PIBF1: variants seen among roughly 807,000 people sequenced by gnomAD.
PIBF1 encodes progesterone-induced-blocking factor 1.
Under a neutral mutation model 112.5 loss-of-function variants are expected in PIBF1, and 90 were observed. That is an observed-to-expected ratio of 0.80 (90% CI 0.67 to 0.95). The LOEUF (loss-of-function observed/expected upper bound fraction) is 0.95. PIBF1 is among the 40% of genes least tolerant of loss of function. The pLI is 0.00. For synonymous variants in PIBF1, 301 were observed against 288.6 expected (o/e 1.04, Z -0.44); for missense variants, 915 against 852.3 (o/e 1.07, Z -0.92).
chr13:72,996,882 G>T (rs2043691550), intron 16 of PIBF1, among the ~76,000 whole-genome samples: 1 of 152,080 alleles, frequency 6.6e-6, no homozygotes, highest in Non-Finnish European at 1.5e-5. Flanking sequence ...AATGTTATTT[G>T]GGTACCCACT....
chr13:72,922,157 T>C (rs1214082660), intron 13 of PIBF1, among the ~76,000 whole-genome samples: 1 of 152,046 alleles, frequency 6.6e-6, no homozygotes, highest in African/African-American at 2.4e-5. Flanking sequence ...TTTTATTTTT[T>C]TGTAGAGACA....
intron 10 of PIBF1, among the ~76,000 whole-genome samples, chr13:72,867,266 C>T (rs1259280856): frequency 1.3e-5 from 2 of 152,176 alleles, no homozygotes; most frequent in East Asian, 3.8e-4. Flanking sequence ...ATGTGACTTG[C>T]TCCTCCTTGC....
chr13:72,902,796 A>G (rs2040545833), intron 11 of PIBF1, among the ~76,000 whole-genome samples: 1 of 152,226 alleles, frequency 6.6e-6, no homozygotes, highest in African/African-American at 2.4e-5. Flanking sequence ...AATTAAAAAC[A>G]TGGAATGAAG....
chr13:72,867,822 A>G, intron 10 of PIBF1, among the ~76,000 whole-genome samples: 1 of 152,250 alleles, frequency 6.6e-6, no homozygotes, highest in Admixed American at 6.5e-5. Context: ...TGCGTCTTCA[A>G]ATAGCAAAGC....
At chr13:72,911,199 A>T (rs928214722) in intron 12 of PIBF1, among the ~76,000 whole-genome samples, 2 of 152,170 alleles carry the variant, frequency 1.3e-5, no homozygotes, top group African/African-American at 4.8e-5. Context: ...CTCCACAAAA[A>T]AAAGAACAAA....
intron 13 of PIBF1, among the ~76,000 whole-genome samples, chr13:72,918,025 A>T (rs148321701): frequency 6.6e-6 from 1 of 152,196 alleles, no homozygotes; most frequent in African/African-American, 2.4e-5. Flanking sequence ...ACAGAAAATT[A>T]TACCTACATT....
chr13:72,797,779 A>C (rs1002760923), intron 4 of PIBF1, 128 bp from the exon 5 acceptor site: 2 of 668,572 alleles, frequency 3.0e-6, no homozygotes, highest in Non-Finnish European at 4.9e-6. Context: ...GCTAGGGTCC[A>C]TTAATGACTG....
intron 10 of PIBF1, among the ~76,000 whole-genome samples, chr13:72,868,321 A>G (rs2039010521): frequency 6.6e-6 from 1 of 151,776 alleles, no homozygotes. Context: ...AAGAAAAAAA[A>G]AAAAAAGACT....
intron 14 of PIBF1, among the ~76,000 whole-genome samples, chr13:72,964,788 C>T (rs1046763856): frequency 2.6e-5 from 4 of 152,080 alleles, no homozygotes; most frequent in African/African-American, 9.7e-5. Flanking sequence ...TTCAGCCAGG[C>T]GAGGTGGCTC....
rs544969282 is a variant in PIBF1, at chr13:72,863,647, G to C, written c.1322+9492G>C. ...CACTCCAGCCTGGGCGACAGAGTGA[G>C]ACTCCGTCTCAAAAAAAAAAAAAAA... On this transcript the variant is annotated intron_variant, in intron 10 of 17. Coordinates refer to ENST00000326291, the MANE Select transcript of PIBF1 (RefSeq NM_006346.4). Among the ~76,000 whole-genome samples the C allele has an allele frequency of 2.9e-3, 394 of 136,142 alleles. 2 individuals are homozygous for C. Among genetic ancestry groups the C allele is most frequent in the Middle Eastern group, 0.01 (2 of 192 alleles). 89.3% of individuals were successfully genotyped at this position (136,142 alleles called of 152,430 possible). A position where few individuals can be genotyped will look rare whatever the true frequency, so the allele number is the denominator to read the frequency against.
chr13:72,902,461 C>T (rs576403362), intron 11 of PIBF1, among the ~76,000 whole-genome samples: 4 of 151,416 alleles, frequency 2.6e-5, no homozygotes, highest in Admixed American at 2.6e-4. Context: ...AGCCTATAGT[C>T]TCTGCATCAG....
intron 5 of PIBF1, among the ~76,000 whole-genome samples, chr13:72,809,182 A>C (rs1380964744): frequency 2.1e-5 from 3 of 141,060 alleles, no homozygotes; most frequent in Non-Finnish European, 3.0e-5. Context: ...GGCTATTTGG[A>C]AAATGTGATT....
chr13:72,896,555 T>C (rs1442899708), intron 11 of PIBF1, among the ~76,000 whole-genome samples: 1 of 151,900 alleles, frequency 6.6e-6, no homozygotes, highest in African/African-American at 2.4e-5. Flanking sequence ...CAAAAAATGG[T>C]ACAAGAAGTG....
At chr13:73,010,735 A>G (rs183155777) in intron 17 of PIBF1, among the ~76,000 whole-genome samples, 65 of 149,086 alleles carry the variant, frequency 4.4e-4, no homozygotes, top group African/African-American at 1.4e-3. Context: ...GAATCATGCA[A>G]TTCCCTAGTT....
At chr13:72,907,346 G>A (rs557880739) in intron 11 of PIBF1, among the ~76,000 whole-genome samples, 2 of 152,164 alleles carry the variant, frequency 1.3e-5, no homozygotes, top group East Asian at 3.9e-4. Flanking sequence ...TACACATTTT[G>A]TATTGTGAAC....
chr13:72,859,421 G>A (rs891049966), intron 10 of PIBF1, among the ~76,000 whole-genome samples: 8 of 152,174 alleles, frequency 5.3e-5, no homozygotes, highest in African/African-American at 1.7e-4. Flanking sequence ...TTATCCAAAT[G>A]TTGTTAGAGA....
At chr13:72,998,269 A>G (rs2043744244) in intron 16 of PIBF1, among the ~76,000 whole-genome samples, 1 of 152,182 alleles carries the variant, frequency 6.6e-6, no homozygotes, top group African/African-American at 2.4e-5. Flanking sequence ...GTGGTTCCCA[A>G]ATTTGTCTGT....
chr13:72,862,034 G>A (rs2038718399), intron 10 of PIBF1, among the ~76,000 whole-genome samples: 1 of 152,128 alleles, frequency 6.6e-6, no homozygotes. Context: ...TAGAGAAAAA[G>A]TAATTGACAG....
chr13:72,999,225 C>G (rs1189653074), intron 17 of PIBF1, among the ~76,000 whole-genome samples: 1 of 151,786 alleles, frequency 6.6e-6, no homozygotes, highest in African/African-American at 2.4e-5. Context: ...AATCAATTAA[C>G]ATAAACTGAA....
Sources: gnomAD v4.1 joint callset for allele counts (sites outside exome capture counted in the v4.1 genomes callset) on GRCh38, gnomAD v4.1.1 for gene constraint, MANE v1.5 for transcripts, NCBI Gene and HGNC (gene_info 2026-07-23, HGNC 2026-07-21) for gene names.